WDR35: variants seen among roughly 807,000 people sequenced by gnomAD.
The protein encoded by WDR35 is WD repeat domain 35.
WDR35 carries 118 observed loss-of-function variants against 158.3 expected under a neutral mutation model. The observed-to-expected ratio is 0.75, with a 90% CI of 0.64 to 0.87. The LOEUF (loss-of-function observed/expected upper bound fraction) is 0.87. Among genes scored for constraint, WDR35 ranks in the 40% least tolerant of loss-of-function variants. The pLI, the probability that WDR35 is intolerant of heterozygous loss-of-function variation, is 0.00. For synonymous variants in WDR35, 448 were observed against 476.1 expected (o/e 0.94, Z 0.77); for missense variants, 1,263 against 1,405.8 (o/e 0.90, Z 1.62).
At position 19,974,592 on chromosome 2, in the gene WDR35, A is replaced by G; in HGVS notation, c.612T>C (p.Ala204=). Reference sequence around the variant, plus strand: ...ACCAATGAATTCCAGCAATGCTGATAGCTCCAGTGACATTCACCAAACAAC... The same window carrying G: ...ACCAATGAATTCCAGCAATGCTGATGGCTCCAGTGACATTCACCAAACAAC... ...KLSCLVNVTG[A]ISIAGIHWYH... is the part of the protein sequence containing the mutation. Residue 204 remains alanine (A), a synonymous_variant, in exon 7 of 27, where the codon GCT becomes GCC. Coordinates refer to ENST00000281405, the MANE Select transcript of WDR35 (RefSeq NM_020779.4). 6.2e-7 allele frequency: 1 copy of G among 1,613,744 alleles called. No individual in the cohort carries two copies. Among genetic ancestry groups the G allele is most frequent in the Non-Finnish European group, 8.5e-7 (1 of 1,179,860 alleles).
intron 25 of WDR35, among the ~76,000 whole-genome samples, chr2:19,929,824 G>A (rs941612969): frequency 1.3e-5 from 2 of 151,964 alleles, no homozygotes; most frequent in Non-Finnish European, 2.9e-5. Flanking sequence ...TTTACAAATT[G>A]TTAGATTATT....
chr2:19,928,778 A>G (rs1243913100), intron 25 of WDR35, among the ~76,000 whole-genome samples: 7 of 152,122 alleles, frequency 4.6e-5, no homozygotes. Flanking sequence ...GAACTTCTCA[A>G]TCATTACAAT....
At chr2:19,920,429 C>T (rs181422573) in intron 25 of WDR35, among the ~76,000 whole-genome samples, 20 of 152,288 alleles carry the variant, frequency 1.3e-4, no homozygotes, top group East Asian at 1.9e-4. Context: ...GTTCAACATA[C>T]GCAAATCAAT....
chr2:19,975,915 C>T (rs1253462852), intron 5 of WDR35, among the ~76,000 whole-genome samples: 1 of 152,194 alleles, frequency 6.6e-6, no homozygotes, highest in Non-Finnish European at 1.5e-5. Flanking sequence ...AGCAGTTGAG[C>T]CCATCTTCTA....
chr2:19,934,100 G>C lies in WDR35; in HGVS notation c.2548-589C>G, dbSNP rs939739220. Among the ~76,000 whole-genome samples, 1 of 131,300 alleles carries C rather than the reference G, an allele frequency of 7.6e-6. No homozygotes were observed. The highest frequency in any genetic ancestry group is 3.0e-5 in the African/African-American group (1 of 33,152). 86.1% of individuals were successfully genotyped at this position (131,300 alleles called of 152,430 possible). The stretch of plus-strand genomic sequence containing the variant: ...AAAAAAAAATCCTACTTGTTCAGCT[G>C]CACTGGCCATTTTCAGAACATCATT... On this transcript the variant is annotated intron_variant, in intron 21 of 26. Transcript: ENST00000281405. The surrounding 1 kb of genome is among the most constrained non-coding windows in gnomAD (Gnocchi z 4.6).
chr2:19,936,458 G>A, intron 19 of WDR35, 93 bp from the exon 20 acceptor site: 1 of 1,549,928 alleles, frequency 6.5e-7, no homozygotes, highest in Middle Eastern at 1.7e-4. Context: ...AGGTGCTGAG[G>A]CTACACAGCA....
rs780907812 is a variant in WDR35 at position 19,931,304 on chromosome 2, C to A, written c.2929G>T (p.Ala977Ser). The change falls in exon 24 of 27, where the codon GCC (alanine) becomes TCC (serine). Residue 977 changes from alanine to serine, a missense_variant. By Grantham distance (99) the Ala-to-Ser change is moderately conservative. Transcript: ENST00000281405. ...TTTCCTTTAACTTTTCCTCGCTGGG[C>A]ATTCTTCATCTGTTCATGGTATTGC... ...IEQYHEQMKN[A>S]QRGKVKGKSS... The A allele has an allele frequency of 3.1e-6, 5 of 1,612,858 alleles. No individual in the cohort carries two copies. Among genetic ancestry groups the A allele is most frequent in the African/African-American group, 1.3e-5 (1 of 74,746 alleles).
chr2:19,932,180 G>A, intron 23 of WDR35, 103 bp downstream of exon 23: 1 of 1,462,712 alleles, frequency 6.8e-7, no homozygotes. Context: ...TGGTTTTGCT[G>A]TAATAAATAT....
Position 19,935,467 on chromosome 2 carries a change from C to T in WDR35, c.2547+4G>A. On this transcript the variant is annotated splice_donor_region_variant and intron_variant, in intron 21 of 26. Coordinates refer to ENST00000281405, the MANE Select transcript of WDR35 (RefSeq NM_020779.4). ...TTCCAAAAACTAAAATTTGCAATACCTACTGGAAGTAACTTGTGGTTTTCT... is the reference window on the plus strand; with the variant it reads ...TTCCAAAAACTAAAATTTGCAATACTTACTGGAAGTAACTTGTGGTTTTCT... The T allele has an allele frequency of 1.2e-6, 2 of 1,612,286 alleles. No homozygotes were observed. The highest frequency in any genetic ancestry group is 1.7e-6 in the Non-Finnish European group (2 of 1,179,288).
intron 5 of WDR35, among the ~76,000 whole-genome samples, chr2:19,977,925 CT>C (rs1225161859): frequency 6.6e-6 from 1 of 152,180 alleles, no homozygotes; most frequent in East Asian, 1.9e-4. Flanking sequence ...ACCAACCTAC[CT>C]TGTGGCTAAT....
At chr2:19,943,084 T>C (rs1004015080) in intron 16 of WDR35, among the ~76,000 whole-genome samples, 6 of 152,112 alleles carry the variant, frequency 3.9e-5, no homozygotes, top group Non-Finnish European at 7.4e-5. Context: ...AATTGAGGGA[T>C]TGTATTACCT....
At chr2:19,928,049 G>A (rs976329642) in intron 25 of WDR35, among the ~76,000 whole-genome samples, 4 of 152,146 alleles carry the variant, frequency 2.6e-5, no homozygotes, top group Admixed American at 6.5e-5. Flanking sequence ...CCCCAAAACT[G>A]GCCATAAACA....
intron 2 of WDR35, among the ~76,000 whole-genome samples, chr2:19,985,484 G>C (rs1479052791): frequency 6.6e-6 from 1 of 151,598 alleles, no homozygotes; most frequent in Non-Finnish European, 1.5e-5. Flanking sequence ...TCCAACCCAG[G>C]ACCATCATCC....
At chr2:19,961,828 C>T (rs893475201) in intron 10 of WDR35, among the ~76,000 whole-genome samples, 11 of 152,190 alleles carry the variant, frequency 7.2e-5, no homozygotes, top group African/African-American at 1.2e-4. Flanking sequence ...GAAAACTTCA[C>T]CAGAGTCTCT....
chr2:19,932,299 G>A lies in WDR35; in HGVS notation c.2807C>T (p.Ala936Val), dbSNP rs1670549521. 6.2e-7 allele frequency: 1 copy of A among 1,613,180 alleles called. No homozygotes were observed. Among genetic ancestry groups the A allele is most frequent in the African/African-American group, 1.3e-5 (1 of 74,992 alleles). ...YRKANYFFDA[A>V]KLMFKIADEE... ...TTACATTACCTTAAACATCAGTTTA[G>A]CTGCATCAAAAAAGTAATTGGCTTT... is the stretch of plus-strand genomic sequence containing the variant. The change falls in exon 23 of 27, where the codon GCT (alanine) becomes GTT (valine). Residue 936 changes from alanine to valine, a missense_variant. Ala to Val is a moderately conservative substitution (Grantham distance 64). Transcript: ENST00000281405.
chr2:19,931,789 T>A (rs1022200508), intron 23 of WDR35, among the ~76,000 whole-genome samples: 2 of 152,300 alleles, frequency 1.3e-5, no homozygotes, highest in South Asian at 4.1e-4. Context: ...TGGTGCATCC[T>A]TCAGAAGCTG....
rs141979961 is a variant in WDR35, at chr2:19,937,750, C to T, written c.2260G>A (p.Asp754Asn). The change falls in exon 19 of 27, where the codon GAC becomes AAC. Residue 754 changes from aspartate (D) to asparagine (N), a missense_variant. Asp to Asn is a conservative substitution (Grantham distance 23, BLOSUM62 1). Coordinates refer to ENST00000281405, the MANE Select transcript of WDR35 (RefSeq NM_020779.4). ...EEAERTYLEM[D>N]RRDLAIGLRL... ...TGCGCCTTCATAACTTACCTTCTGT[C>T]CATCTCGAGATACGTTCTTTCAGCC... The T allele has an allele frequency of 6.2e-7, 1 of 1,614,136 alleles. No individual in the cohort carries two copies. The highest frequency in any genetic ancestry group is 1.3e-5 in the African/African-American group (1 of 75,050).
chr2:19,923,251 G>A (rs541252068), intron 25 of WDR35, among the ~76,000 whole-genome samples: 3 of 152,116 alleles, frequency 2.0e-5, no homozygotes, highest in Admixed American at 2.0e-4. Context: ...GACCGAGCTG[G>A]TCTCGGCAAG....
chr2:19,981,989 T>C (rs549092419), intron 3 of WDR35, among the ~76,000 whole-genome samples: 10 of 152,238 alleles, frequency 6.6e-5, no homozygotes, highest in Non-Finnish European at 1.2e-4. Flanking sequence ...GTTGTATTAC[T>C]TATGTCTCAA....
Sources: gnomAD v4.1 joint callset for allele counts (sites outside exome capture counted in the v4.1 genomes callset) on GRCh38, gnomAD v4.1.1 for gene constraint, Gnocchi (gnomAD v3.1) non-coding constraint, MANE v1.5 for transcripts, NCBI Gene and HGNC (gene_info 2026-07-23, HGNC 2026-07-21) for gene names.